REV3L: variants seen among roughly 807,000 people sequenced by gnomAD.
The protein encoded by REV3L is REV3 like, DNA directed polymerase zeta catalytic subunit, also known as DNA polymerase zeta catalytic subunit.
Under a neutral mutation model 299.4 loss-of-function variants are expected in REV3L, and 69 were observed. The observed-to-expected ratio is 0.23, with a 90% confidence interval of 0.19 to 0.28. The LOEUF (loss-of-function observed/expected upper bound fraction) is 0.28. REV3L is among the 10% of genes least tolerant of loss of function. The probability of loss-of-function intolerance (pLI) is 1.00; values close to 1 mark genes in which losing one functional copy is unlikely to be tolerated. For synonymous variants in REV3L, 1,238 were observed against 1,271.4 expected, an observed-to-expected ratio of 0.97 and a Z score of 0.56; for missense variants, 3,128 against 3,693.8, an observed-to-expected ratio of 0.85 and a Z score of 3.97.
At chr6:111,321,475 T>C (rs139568522) in intron 26 of REV3L, among the ~76,000 whole-genome samples, 177 of 152,296 alleles carry the variant, frequency 1.2e-3, no homozygotes, top group African/African-American at 4.1e-3. Context: ...CTTATTTTGC[T>C]GGAATACCCA....
intron 1 of REV3L, among the ~76,000 whole-genome samples, chr6:111,467,610 T>G (rs539161209): frequency 1.3e-5 from 2 of 152,316 alleles, no homozygotes; most frequent in South Asian, 4.1e-4. Context: ...GCGTACAAAC[T>G]TTTTTCCTTG....
rs145394795 is a variant in REV3L at position 111,342,600 on chromosome 6, G to A, written c.7538+1325C>T. On this transcript the variant is annotated intron_variant, in intron 21 of 31. Transcript: ENST00000368802. ...GGAGAATGGCGTGAACTCGGGAGGCGGAGCTTGCAGTGAGCAGAGACTGTG... is the reference window on the plus strand; with the variant it reads ...GGAGAATGGCGTGAACTCGGGAGGCAGAGCTTGCAGTGAGCAGAGACTGTG... Among the ~76,000 whole-genome samples, 1,173 of 151,786 alleles carry A rather than the reference G, an allele frequency of 7.7e-3. 12 individuals carry two copies. The highest frequency in any genetic ancestry group is 0.027 in the African/African-American group (1,108 of 41,382).
In REV3L at chr6:111,377,860, T is replaced by C; in HGVS notation, c.1455-17A>G. The C allele has an allele frequency of 6.3e-7, 1 of 1,599,654 alleles. No homozygotes were observed. On this transcript the variant is annotated splice_polypyrimidine_tract_variant and intron_variant, in intron 11 of 31. Coordinates refer to ENST00000368802, the MANE Select transcript of REV3L (RefSeq NM_001372078.1). ...CACAGTGATCTGGAGAACATTAAAA[T>C]TCACTGGTGAGCATGATCATTAGTA...
chr6:111,405,242 T>C (rs55666321), intron 4 of REV3L, among the ~76,000 whole-genome samples: 1 of 152,174 alleles, frequency 6.6e-6, no homozygotes, highest in East Asian at 1.9e-4. Context: ...CTGTCCTCTT[T>C]AAACGGATAT....
At chr6:111,388,117 A>T in intron 7 of REV3L, 32 bp from the exon 8 acceptor site, 1 of 1,389,796 alleles carries the variant, frequency 7.2e-7, no homozygotes, top group Non-Finnish European at 1.0e-6. Flanking sequence ...TAAAAAATGT[A>T]AATAGCAAAT....
intron 11 of REV3L, among the ~76,000 whole-genome samples, chr6:111,379,145 T>C (rs1780584946): frequency 6.6e-6 from 1 of 152,224 alleles, no homozygotes; most frequent in Non-Finnish European, 1.5e-5. Flanking sequence ...GGATTGACTA[T>C]GCCTATTATT....
At chr6:111,300,984 CTT>C (rs961747988) in intron 31 of REV3L, among the ~76,000 whole-genome samples, 3 of 152,324 alleles carry the variant, frequency 2.0e-5, no homozygotes, top group African/African-American at 4.8e-5. Flanking sequence ...TCATATTTCT[CTT>C]CTTTCAGAAA....
chr6:111,433,752 AAAG>A (rs1282622592), intron 1 of REV3L, among the ~76,000 whole-genome samples: 4 of 152,198 alleles, frequency 2.6e-5, no homozygotes, highest in Non-Finnish European at 5.9e-5. Context: ...ACAACCAAAA[AAAG>A]AAGACTACAG....
intron 9 of REV3L, among the ~76,000 whole-genome samples, chr6:111,384,774 T>A (rs1183422175): frequency 6.6e-6 from 1 of 152,126 alleles, no homozygotes; most frequent in Non-Finnish European, 1.5e-5. Flanking sequence ...AATTGGTATG[T>A]CGAGTTGAAG....
At chr6:111,465,411 G>A (rs986594101) in intron 1 of REV3L, among the ~76,000 whole-genome samples, 1 of 151,632 alleles carries the variant, frequency 6.6e-6, no homozygotes, top group Non-Finnish European at 1.5e-5. Context: ...AATTACAAGA[G>A]TGAAAAACAA....
At chr6:111,384,388 A>G (rs1781128283) in intron 9 of REV3L, among the ~76,000 whole-genome samples, 1 of 152,186 alleles carries the variant, frequency 6.6e-6, no homozygotes, top group African/African-American at 2.4e-5. Flanking sequence ...CAAAATATAT[A>G]TAACTCAATA....
At chr6:111,444,501 T>C (rs1284350859) in intron 1 of REV3L, among the ~76,000 whole-genome samples, 4 of 152,122 alleles carry the variant, frequency 2.6e-5, no homozygotes, top group East Asian at 3.9e-4. Context: ...ATCCAGAATA[T>C]ATAAAGAACT....
At chr6:111,451,298 G>A (rs914701502) in intron 1 of REV3L, among the ~76,000 whole-genome samples, 4 of 152,048 alleles carry the variant, frequency 2.6e-5, no homozygotes, top group Admixed American at 1.3e-4. Flanking sequence ...TTTGTCACTC[G>A]CATTTATATA....
chr6:111,316,235 A>G (rs1773503337), intron 26 of REV3L, among the ~76,000 whole-genome samples: 1 of 151,650 alleles, frequency 6.6e-6, no homozygotes, highest in East Asian at 1.9e-4. Flanking sequence ...AAAAAAAAAA[A>G]AAAAAGGTTG....
At chr6:111,414,297 C>T (rs1784545541) in intron 2 of REV3L, among the ~76,000 whole-genome samples, 1 of 151,926 alleles carries the variant, frequency 6.6e-6, no homozygotes, top group Non-Finnish European at 1.5e-5. Flanking sequence ...AAGGGTAGAA[C>T]ACTCAAGGAA....
chr6:111,442,238 C>T (rs1470755002), intron 1 of REV3L, among the ~76,000 whole-genome samples: 1 of 152,196 alleles, frequency 6.6e-6, no homozygotes, highest in Admixed American at 6.5e-5. Flanking sequence ...TCACCAAATG[C>T]TGAAAAGAGG....
rs755099352 is a variant in REV3L at position 111,405,517 on chromosome 6, T to C, written c.518A>G (p.Asn173Ser). 2 of 1,607,222 alleles carry C rather than the reference T, an allele frequency of 1.2e-6. No homozygotes were observed. Among genetic ancestry groups the C allele is most frequent in the Non-Finnish European group, 1.7e-6 (2 of 1,177,448 alleles). ...CTTGACAGCAGCCAGATTTATTAAA[T>C]TCATGCCATAAAGATTGTAGTCAAT... ...LFIDYNLYGM[N>S]LINLAAVKFR... The change falls in exon 4 of 32, where the codon AAT (asparagine) becomes AGT (serine). Residue 173 changes from asparagine (N) to serine (S), a missense_variant. Transcript: ENST00000368802.
Position 111,406,552 on chromosome 6 carries a change from A to G in REV3L, c.405-922T>C, listed in dbSNP as rs149074463. Among the ~76,000 whole-genome samples, 18 of 152,304 alleles carry G rather than the reference A, an allele frequency of 1.2e-4. No individual in the cohort carries two copies. The East Asian group carries it at 3.5e-3, about 29-fold the overall frequency. On this transcript the variant is annotated intron_variant, in intron 3 of 31. Coordinates refer to ENST00000368802, the MANE Select transcript of REV3L (RefSeq NM_001372078.1). ...GCTATAACAAGGATCATAGAAATGTACTGATTCAGGAGACATATAAGGGGT... is the reference window on the plus strand; with the variant it reads ...GCTATAACAAGGATCATAGAAATGTGCTGATTCAGGAGACATATAAGGGGT...
At position 111,367,724 on chromosome 6, in the gene REV3L, G is replaced by C. The variant is rs3218587; in HGVS notation, c.6064C>G (p.Leu2022Val). 1 of 1,614,186 alleles carries C rather than the reference G, an allele frequency of 6.2e-7. No individual in the cohort carries two copies. The highest frequency in any genetic ancestry group is 1.7e-5 in the Admixed American group (1 of 60,020). ...AKEEYERSKK[L>V]PKTKPTGVVK... ...ACTCCAGTTGGCTTGGTTTTAGGCA[G>C]TTTCTTGGAACGTTCGTATTCTTCT... The change falls in exon 14 of 32, where the codon CTG becomes GTG. Residue 2022 changes from leucine (L) to valine (V), a missense_variant. By Grantham distance (32) the Leu-to-Val change is conservative (BLOSUM62 1). This residue lies in a region of REV3L where 2,409 missense variants were observed against 2,611.8 expected (regional missense o/e 0.92). Coordinates refer to ENST00000368802, the MANE Select transcript of REV3L (RefSeq NM_001372078.1).
Sources: allele counts gnomAD v4.1 joint callset (sites outside exome capture counted in the v4.1 genomes callset), GRCh38; gene constraint gnomAD v4.1.1; regional missense constraint gnomAD v4.1.1; transcripts MANE v1.5; gene names NCBI Gene and HGNC (gene_info 2026-07-23, HGNC 2026-07-21).